EVI5L: variants seen among roughly 807,000 people sequenced by gnomAD.
EVI5L encodes ecotropic viral integration site 5 like.
In EVI5L, 30 loss-of-function variants were observed where a neutral mutation model predicts 106.1. The observed-to-expected ratio is 0.28, with a 90% CI of 0.21 to 0.38. EVI5L has a LOEUF of 0.38. Ranked by LOEUF, EVI5L falls within the 10% of genes least tolerant of loss-of-function variation. The pLI is 1.00. For synonymous variants in EVI5L, 489 were observed against 483.3 expected (o/e 1.01, Z -0.15); for missense variants, 809 against 1,098.0 (o/e 0.74, Z 3.72).
At chr19:7,844,967 T>C (rs939647832) in intron 1 of EVI5L, among the ~76,000 whole-genome samples, 1 of 152,054 alleles carries the variant, frequency 6.6e-6, no homozygotes, top group African/African-American at 2.4e-5. Context: ...GGTTGGGGGC[T>C]GAGTTTGGGC....
At position 7,851,430 on chromosome 19, in the gene EVI5L, G is replaced by A. The variant is rs1421183951; in HGVS notation, c.754-4G>A. On this transcript the variant is annotated splice_polypyrimidine_tract_variant and splice_region_variant and intron_variant, in intron 6 of 19. Coordinates refer to ENST00000538904, the MANE Select transcript of EVI5L (RefSeq NM_001159944.3). ...TGTGCCCACCCGGCCTCCCACCCCTGCAGGAGCAGCTCCCAGACCTCAACA... is the reference window on the plus strand; with the variant it reads ...TGTGCCCACCCGGCCTCCCACCCCTACAGGAGCAGCTCCCAGACCTCAACA... The A allele has an allele frequency of 6.2e-7, 1 of 1,608,696 alleles. No individual in the cohort carries two copies. The highest frequency in any genetic ancestry group is 1.7e-5 in the Admixed American group (1 of 59,244).
rs185191264 is a variant in EVI5L, at chr19:7,843,972, G to T, written c.-47-2524G>T. ...GTGTATTTAATACATTTCACTTCCTGTATGAAATACACACACATTCGTGAT... is the reference window on the plus strand; with the variant it reads ...GTGTATTTAATACATTTCACTTCCTTTATGAAATACACACACATTCGTGAT... On this transcript the variant is annotated intron_variant, in intron 1 of 19. Transcript: ENST00000538904. Among the ~76,000 whole-genome samples, 21 of 152,134 alleles carry T rather than the reference G, an allele frequency of 1.4e-4. 1 individual carries two copies. Among genetic ancestry groups the T allele is most frequent in the Admixed American group, 1.2e-3 (19 of 15,274 alleles).
At chr19:7,833,069 CTA>C (rs944847844) in intron 1 of EVI5L, among the ~76,000 whole-genome samples, 2 of 152,162 alleles carry the variant, frequency 1.3e-5, no homozygotes, top group African/African-American at 2.4e-5. Context: ...ACTGTGAACT[CTA>C]TAGGAAACCA....
chr19:7,848,964 T>C lies in EVI5L; in HGVS notation c.371T>C (p.Val124Ala), dbSNP rs1189885867. The change falls in exon 4 of 20, where the codon GTG (valine) becomes GCG (alanine). Residue 124 changes from valine (V) to alanine (A), a missense_variant. Val to Ala is a moderately conservative substitution (Grantham distance 64, BLOSUM62 0). Coordinates refer to ENST00000538904, the MANE Select transcript of EVI5L (RefSeq NM_001159944.3). This position sits in a 1 kb window ranked among gnomAD's most constrained non-coding sequence, Gnocchi z 4.8. ...ATCCCCCACCACTTCCGGGCCATCGTGTGGCAGCTTCTGTGCAGCGCCACG... is the reference window on the plus strand; with the variant it reads ...ATCCCCCACCACTTCCGGGCCATCGCGTGGCAGCTTCTGTGCAGCGCCACG... ...KGIPHHFRAI[V>A]WQLLCSATDM... 2.5e-6 allele frequency: 4 copies of C among 1,613,044 alleles called. No individual in the cohort carries two copies. In the African/African-American group the frequency reaches 4.0e-5, roughly 16 times the overall value.
chr19:7,863,350 C>T lies in EVI5L; in HGVS notation c.2139+70C>T. 1.3e-6 allele frequency: 2 copies of T among 1,543,648 alleles called. No homozygotes were observed. The highest frequency in any genetic ancestry group is 1.7e-6 in the Non-Finnish European group (2 of 1,143,616). On this transcript the variant is annotated intron_variant, in intron 19 of 19. Transcript: ENST00000538904. The surrounding 1 kb of genome is among the most constrained non-coding windows in gnomAD (Gnocchi z 7.7). Reference sequence around the variant, plus strand: ...GCCTGGGACGAGCCGAGCGCAGGTGCCTTGCGGAGGATGCGGCTGGGAGGG... The same window carrying T: ...GCCTGGGACGAGCCGAGCGCAGGTGTCTTGCGGAGGATGCGGCTGGGAGGG...
intron 10 of EVI5L, among the ~76,000 whole-genome samples, chr19:7,854,175 G>A (rs540268480): frequency 1.3e-4 from 20 of 151,640 alleles, no homozygotes; most frequent in African/African-American, 4.8e-4. Context: ...CTGGCTACTC[G>A]GGAGGCTGAG....
Position 7,848,982 on chromosome 19 carries a change from G to T in EVI5L, c.389G>T (p.Ser130Ile), listed in dbSNP as rs766974278. ...FRAIVWQLLC[S>I]ATDMPVKNQY... ...GCCATCGTGTGGCAGCTTCTGTGCA[G>T]CGCCACGGACATGCCCGTCAAGAAC... Residue 130 changes from serine (S) to isoleucine (I), a missense_variant, in exon 4 of 20, where the codon AGC becomes ATC. Ser to Ile is a moderately radical substitution (Grantham distance 142). Transcript: ENST00000538904. This position sits in a 1 kb window ranked among gnomAD's most constrained non-coding sequence, Gnocchi z 4.8. 2 of 1,613,546 alleles carry T rather than the reference G, an allele frequency of 1.2e-6. No homozygotes were observed. Among genetic ancestry groups the T allele is most frequent in the Non-Finnish European group, 1.7e-6 (2 of 1,180,040 alleles).
At chr19:7,839,625 A>T (rs1599560983) in intron 1 of EVI5L, among the ~76,000 whole-genome samples, 2 of 152,126 alleles carry the variant, frequency 1.3e-5, no homozygotes, top group African/African-American at 2.4e-5. Flanking sequence ...GGCAGGCGCC[A>T]TCAAGACAGC....
chr19:7,831,415 G>C (rs1328671847), intron 1 of EVI5L, among the ~76,000 whole-genome samples: 1 of 149,980 alleles, frequency 6.7e-6, no homozygotes, highest in Non-Finnish European at 1.5e-5. Context: ...CAGAGTCCCC[G>C]ACAGCTCCCC....
intron 1 of EVI5L, among the ~76,000 whole-genome samples, chr19:7,842,218 G>A (rs1460816312): frequency 6.6e-6 from 1 of 151,822 alleles, no homozygotes; most frequent in Non-Finnish European, 1.5e-5. Context: ...ATATGTGTGT[G>A]TGTGAATATG....
intron 1 of EVI5L, among the ~76,000 whole-genome samples, chr19:7,833,005 C>A (rs1357475669): frequency 6.6e-6 from 1 of 152,140 alleles, no homozygotes; most frequent in Non-Finnish European, 1.5e-5. Context: ...TCTACAGCCT[C>A]CCCAGGGTGG....
At chr19:7,853,431 A>G (rs909010876) in intron 10 of EVI5L, 98 bp downstream of exon 10, 3 of 1,495,190 alleles carry the variant, frequency 2.0e-6, no homozygotes, top group African/African-American at 1.4e-5. Context: ...GGGCCTTCCC[A>G]GCGCACAGGC....
Position 7,863,442 on chromosome 19 carries a change from C to A in EVI5L, c.2158C>A (p.Pro720Thr), listed in dbSNP as rs1312637614. ...LKAEVRLLKG[P>T]PPFEDPLAFD... is the part of the protein sequence containing the mutation. ...GCCCCAGGTGCGGCTGCTGAAGGGC[C>A]CGCCGCCCTTCGAGGACCCGCTGGC... The change falls in exon 20 of 20, where the codon CCG becomes ACG. Residue 720 changes from proline (P) to threonine (T), a missense_variant. Around this residue, in one of 2 missense-constraint regions of EVI5L, gnomAD observed 452 missense variants for 509.9 expected, o/e 0.89. Coordinates refer to ENST00000538904, the MANE Select transcript of EVI5L (RefSeq NM_001159944.3). This position sits in a 1 kb window ranked among gnomAD's most constrained non-coding sequence, Gnocchi z 7.7. 1.3e-6 allele frequency: 2 copies of A among 1,549,386 alleles called. No individual in the cohort carries two copies. The highest frequency in any genetic ancestry group is 1.7e-6 in the Non-Finnish European group (2 of 1,148,006).
At position 7,863,459 on chromosome 19, in the gene EVI5L, C is replaced by T; in HGVS notation, c.2175C>T (p.Asp725=). The T allele has an allele frequency of 6.4e-7, 1 of 1,560,768 alleles. No homozygotes were observed. Among genetic ancestry groups the T allele is most frequent in the Non-Finnish European group, 8.7e-7 (1 of 1,154,060 alleles). ...RLLKGPPPFE[D]PLAFDGLSLA... ...TGAAGGGCCCGCCGCCCTTCGAGGACCCGCTGGCTTTCGATGGGCTGAGCC... is the reference window on the plus strand; with the variant it reads ...TGAAGGGCCCGCCGCCCTTCGAGGATCCGCTGGCTTTCGATGGGCTGAGCC... The change falls in exon 20 of 20, where the codon GAC becomes GAT. Residue 725 remains aspartate (D), a synonymous_variant. Coordinates refer to ENST00000538904, the MANE Select transcript of EVI5L (RefSeq NM_001159944.3). This position sits in a 1 kb window ranked among gnomAD's most constrained non-coding sequence, Gnocchi z 7.7.
At chr19:7,839,856 G>A (rs534219931) in intron 1 of EVI5L, among the ~76,000 whole-genome samples, 3 of 152,254 alleles carry the variant, frequency 2.0e-5, no homozygotes, top group East Asian at 1.9e-4. Flanking sequence ...CCAGGATCTC[G>A]CACCACTGCA....
rs1007662081 is a variant in EVI5L at position 7,847,819 on chromosome 19, C to G, written c.225C>G (p.Ala75=). 22 of 1,611,774 alleles carry G rather than the reference C, an allele frequency of 1.4e-5. No homozygotes were observed. The Admixed American group carries it at 2.7e-4, about 20-fold the overall frequency. The stretch of plus-strand genomic sequence containing the variant: ...CCTCGCTAGTGTCCAGCTCCTCGGC[C>G]TCCTCCAACCTGAGCCACCTGGAGG... ...SGSSLVSSSS[A]SSNLSHLEED... Residue 75 remains alanine, a synonymous_variant, in exon 3 of 20, where the codon GCC becomes GCG. Coordinates refer to ENST00000538904, the MANE Select transcript of EVI5L (RefSeq NM_001159944.3).
At chr19:7,832,519 C>T (rs1978297961) in intron 1 of EVI5L, among the ~76,000 whole-genome samples, 2 of 152,094 alleles carry the variant, frequency 1.3e-5, no homozygotes, top group Admixed American at 1.3e-4. Context: ...ATTTTTAGAA[C>T]AGAACTTGGA....
chr19:7,857,366 G>A lies in EVI5L; in HGVS notation c.1233+242G>A. On this transcript the variant is annotated intron_variant, in intron 12 of 19. Coordinates refer to ENST00000538904, the MANE Select transcript of EVI5L (RefSeq NM_001159944.3). This position sits in a 1 kb window ranked among gnomAD's most constrained non-coding sequence, Gnocchi z 4.5. ...TGCGTTTGGGTGTGAATGTCCACATGCATGTACAGAAAGCTTCCTCCGGGC... is the reference window on the plus strand; with the variant it reads ...TGCGTTTGGGTGTGAATGTCCACATACATGTACAGAAAGCTTCCTCCGGGC... The A allele has an allele frequency of 1.6e-6, 1 of 610,666 alleles. No homozygotes were observed. Among genetic ancestry groups the A allele is most frequent in the Non-Finnish European group, 2.9e-6 (1 of 344,696 alleles). 37.8% of individuals were successfully genotyped at this position (610,666 alleles called of 1,614,324 possible).
In EVI5L at chr19:7,846,551, C is replaced by T; in HGVS notation, c.9C>T (p.Ser3=). ...TAACAAGCCCACCCACCATGGCGAG[C>T]CCCACTCTGAGCCCCGACTCCTCAT... MA[S]PTLSPDSSSQ... is the part of the protein sequence containing the mutation. Residue 3 remains serine (S), a synonymous_variant, in exon 2 of 20, where the codon AGC becomes AGT. Coordinates refer to ENST00000538904, the MANE Select transcript of EVI5L (RefSeq NM_001159944.3). The T allele has an allele frequency of 6.2e-7, 1 of 1,610,096 alleles. No homozygotes were observed. The highest frequency in any genetic ancestry group is 8.5e-7 in the Non-Finnish European group (1 of 1,178,648).
Sources: gnomAD v4.1 joint callset for allele counts (sites outside exome capture counted in the v4.1 genomes callset) on GRCh38, gnomAD v4.1.1 for gene constraint, gnomAD v4.1.1 regional missense constraint, Gnocchi (gnomAD v3.1) non-coding constraint, MANE v1.5 for transcripts, NCBI Gene and HGNC (gene_info 2026-07-23, HGNC 2026-07-21) for gene names.